YME1L1: variants seen among roughly 807,000 people sequenced by gnomAD.
YME1L1 encodes the protein ATP-dependent zinc metalloprotease YME1L1.
A neutral mutation model predicts 90.4 loss-of-function variants in YME1L1; 39 were observed. That is an observed-to-expected ratio of 0.43 (90% CI 0.33 to 0.56). The LOEUF is 0.56. YME1L1 is among the 20% of genes least tolerant of loss of function. The pLI, the probability that YME1L1 is intolerant of heterozygous loss-of-function variation, is 0.03. For missense variants in YME1L1, 617 were observed against 868.4 expected (o/e 0.71, Z 3.64); for synonymous variants, 284 against 287.3 (o/e 0.99, Z 0.12).
At chr10:27,142,355 T>C (rs1286705849) in intron 4 of YME1L1, 32 bp downstream of exon 4, 4 of 1,251,620 alleles carry the variant, frequency 3.2e-6, no homozygotes, top group African/African-American at 1.6e-5. Context: ...TAAATATTTT[T>C]TTTTCCACAA....
At chr10:27,123,842 C>G in intron 9 of YME1L1, 143 bp from the exon 10 acceptor site, 2 of 792,710 alleles carry the variant, frequency 2.5e-6, no homozygotes, top group Non-Finnish European at 3.8e-6. Flanking sequence ...CACAGCAAAC[C>G]GTACTTGTCT....
intron 8 of YME1L1, among the ~76,000 whole-genome samples, chr10:27,128,441 C>T (rs1023566565): frequency 6.6e-6 from 1 of 152,020 alleles, no homozygotes; most frequent in Non-Finnish European, 1.5e-5. Context: ...ACTCAGAAAT[C>T]CCCACATTCC....
At chr10:27,125,472 A>AC (rs919241863) in intron 9 of YME1L1, among the ~76,000 whole-genome samples, 4 of 147,980 alleles carry the variant, frequency 2.7e-5, no homozygotes, top group Non-Finnish European at 4.5e-5. Flanking sequence ...AAAAAAAAAA[A>AC]AAAAACAATA....
intron 9 of YME1L1, among the ~76,000 whole-genome samples, chr10:27,126,484 T>C (rs2056920926): frequency 6.6e-6 from 1 of 151,804 alleles, no homozygotes; most frequent in African/African-American, 2.4e-5. Context: ...ACTATTCTTG[T>C]AACTTTAAAT....
At chr10:27,139,109 T>C (rs971549239) in intron 4 of YME1L1, among the ~76,000 whole-genome samples, 1 of 152,160 alleles carries the variant, frequency 6.6e-6, no homozygotes, top group Non-Finnish European at 1.5e-5. Context: ...AGATTTTATT[T>C]AGGATTTCTG....
In YME1L1 at chr10:27,112,040, A is replaced by G; in HGVS notation, c.2088T>C (p.Tyr696=). 1 of 1,614,104 alleles carries G rather than the reference A, an allele frequency of 6.2e-7. No individual in the cohort carries two copies. Among genetic ancestry groups the G allele is most frequent in the African/African-American group, 1.3e-5 (1 of 75,052 alleles). ...HKNLAEALLT[Y]ETLDAKEIQI... ...GAATCTCTTTGGCATCCAAAGTCTC[A>G]TAGGTCAATAAAGCTTCTGCGAGAT... is the stretch of plus-strand genomic sequence containing the variant. The change falls in exon 19 of 19, where the codon TAT becomes TAC. Residue 696 remains tyrosine (Y), a synonymous_variant. Transcript: ENST00000376016.
Position 27,134,985 on chromosome 10 carries a change from A to T in YME1L1, c.541-4T>A. ...CTCTGTCCCGCAAAAGAAACCCCTG[A>T]ATACACAAACAACACATCAGTACTG... is the stretch of plus-strand genomic sequence containing the variant. On this transcript the variant is annotated splice_polypyrimidine_tract_variant and splice_region_variant and intron_variant, in intron 5 of 18. Coordinates refer to ENST00000376016, the MANE Select transcript of YME1L1 (RefSeq NM_014263.4). The T allele has an allele frequency of 6.2e-7, 1 of 1,612,054 alleles. No homozygotes were observed. Among genetic ancestry groups the T allele is most frequent in the African/African-American group, 1.3e-5 (1 of 74,992 alleles).
At chr10:27,135,606 G>T (rs996765992) in intron 5 of YME1L1, among the ~76,000 whole-genome samples, 2 of 152,162 alleles carry the variant, frequency 1.3e-5, no homozygotes, top group African/African-American at 2.4e-5. Context: ...CAGTGCTCAA[G>T]AACTGTAAGC....
chr10:27,126,784 C>T lies in YME1L1; in HGVS notation c.861G>A (p.Val287=). ...CCTGTAATTCTTGTTTAGCTTCCTC[C>T]ACCTAAAGTGACACAATTTTCCAAA... ...KNVTFEHVKG[V]EEAKQELQEV... The change falls in exon 9 of 19, where the codon GTG becomes GTA. Residue 287 remains valine, a splice_region_variant and synonymous_variant. Transcript: ENST00000376016. 3.2e-6 allele frequency: 5 copies of T among 1,568,740 alleles called. No homozygotes were observed. The highest frequency in any genetic ancestry group is 4.3e-6 in the Non-Finnish European group (5 of 1,158,680).
At chr10:27,121,215 C>G (rs373848730) in intron 12 of YME1L1, among the ~76,000 whole-genome samples, 171 bp downstream of exon 12, 1 of 152,318 alleles carries the variant, frequency 6.6e-6, no homozygotes, top group African/African-American at 2.4e-5. Context: ...CCCCATTCTC[C>G]CTAACCTCTG....
chr10:27,149,695 G>A (rs553519887), intron 1 of YME1L1, among the ~76,000 whole-genome samples: 62 of 130,946 alleles, frequency 4.7e-4, no homozygotes, highest in Non-Finnish European at 8.1e-4. Context: ...AGGGCAACAG[G>A]GTGAGACCTG....
Position 27,148,910 on chromosome 10 carries a change from C to T in YME1L1, c.164G>A (p.Ser55Asn). 1 of 1,613,846 alleles carries T rather than the reference C, an allele frequency of 6.2e-7. No homozygotes were observed. The highest frequency in any genetic ancestry group is 8.5e-7 in the Non-Finnish European group (1 of 1,179,990). The part of the protein sequence containing the change: ...DVVPEHEAPS[S>N]EPSLNLRDLG... ...ACAACCAGGATAAAGACTTACCTCACTGCTGGGAGCCTCATGCTCAGGAAC... is the reference window on the plus strand; with the variant it reads ...ACAACCAGGATAAAGACTTACCTCATTGCTGGGAGCCTCATGCTCAGGAAC... Residue 55 changes from serine (S) to asparagine (N), a missense_variant, in exon 2 of 19, where the codon AGT becomes AAT. Physicochemically the swap from Ser to Asn is conservative, Grantham distance 46. Transcript: ENST00000376016.
Position 27,120,487 on chromosome 10 carries a change from T to C in YME1L1, c.1359A>G (p.Lys453=), listed in dbSNP as rs370570592. The change falls in exon 13 of 19, where the codon AAA becomes AAG. Residue 453 remains lysine (K), a synonymous_variant. Transcript: ENST00000376016. ...ACCATTTCAAAATTTCTGTTCGACC[T>C]TTTACATCTGGCCTTGGAACTGTAA... ...MQVTVPRPDV[K]GRTEILKWYL... is the part of the protein sequence containing the mutation. 19 of 1,613,566 alleles carry C rather than the reference T, an allele frequency of 1.2e-5. No individual in the cohort carries two copies. The highest frequency in any genetic ancestry group is 1.6e-5 in the Non-Finnish European group (19 of 1,179,726).
chr10:27,129,085 C>CAAAAAAA (rs71523559), intron 8 of YME1L1, among the ~76,000 whole-genome samples: 1 of 48,508 alleles, frequency 2.1e-5, no homozygotes, highest in African/African-American at 7.5e-5. Flanking sequence ...GACCCTGTCT[C>CAAAAAAA]AAAAAAAAAA....
Position 27,136,322 on chromosome 10 carries a change from G to A in YME1L1, c.494C>T (p.Ser165Phe). 6.2e-7 allele frequency: 1 copy of A among 1,613,780 alleles called. No homozygotes were observed. The highest frequency in any genetic ancestry group is 8.5e-7 in the Non-Finnish European group (1 of 1,179,936). ...KSRTRRLQST[S>F]ERLAETQNIA... is the part of the protein sequence containing the mutation. ...ATTCTGTGTTTCAGCTAATCTCTCG[G>A]AGGTAGACTGGAGACGTCGTGTCCT... Residue 165 changes from serine (S) to phenylalanine (F), a missense_variant, in exon 5 of 19, where the codon TCC becomes TTC. Ser to Phe is a radical substitution (Grantham distance 155, BLOSUM62 -2). Around this residue, in one of 4 missense-constraint regions of YME1L1, gnomAD observed 311 missense variants for 335.8 expected, o/e 0.93. Coordinates refer to ENST00000376016, the MANE Select transcript of YME1L1 (RefSeq NM_014263.4).
rs2057178312 is a variant in YME1L1 at position 27,149,043 on chromosome 10, A to G, written c.34-3T>C. Reference sequence around the variant, plus strand: ...AGATGACTCAGAGGAACTGTAACCTAGAAAAAGATAAAAGTTAAAAACTAA... The same window carrying G: ...AGATGACTCAGAGGAACTGTAACCTGGAAAAAGATAAAAGTTAAAAACTAA... On this transcript the variant is annotated splice_region_variant and splice_polypyrimidine_tract_variant and intron_variant, in intron 1 of 18. Coordinates refer to ENST00000376016, the MANE Select transcript of YME1L1 (RefSeq NM_014263.4). 1 of 1,586,360 alleles carries G rather than the reference A, an allele frequency of 6.3e-7. No homozygotes were observed. The highest frequency in any genetic ancestry group is 1.2e-5 in the South Asian group (1 of 85,392).
chr10:27,147,213 C>A, intron 2 of YME1L1: 2 of 601,698 alleles, frequency 3.3e-6, no homozygotes, highest in Non-Finnish European at 5.9e-6. Context: ...GATAGACTGG[C>A]CTAGCATGGT....
chr10:27,130,879 A>G (rs1477989781), intron 8 of YME1L1, among the ~76,000 whole-genome samples: 1 of 152,134 alleles, frequency 6.6e-6, no homozygotes, highest in Non-Finnish European at 1.5e-5. Flanking sequence ...AATCTCAGTA[A>G]ATGTCAATTC....
At chr10:27,147,501 G>T (rs143911158) in intron 2 of YME1L1, 6 of 1,612,888 alleles carry the variant, frequency 3.7e-6, no homozygotes. Flanking sequence ...AGTGTACAGG[G>T]ATTGAGAGGG....
Sources: allele counts gnomAD v4.1 joint callset (sites outside exome capture counted in the v4.1 genomes callset), GRCh38; gene constraint gnomAD v4.1.1; regional missense constraint gnomAD v4.1.1; transcripts MANE v1.5; gene names NCBI Gene and HGNC (gene_info 2026-07-23, HGNC 2026-07-21).